The following NUMA1 variants were observed in gnomAD, a reference collection of about 807,000 sequenced individuals.
The protein encoded by NUMA1 is SP-H antigen.
A neutral mutation model predicts 237.1 loss-of-function variants in NUMA1; 62 were observed. That is an observed-to-expected ratio of 0.26 (90% CI 0.21 to 0.32). The LOEUF is 0.32. Among genes scored for constraint, NUMA1 ranks in the 10% least tolerant of loss-of-function variants. The pLI is 1.00. For missense variants in NUMA1, 2,533 were observed against 2,666.5 expected (o/e 0.95, Z 1.10); for synonymous variants, 1,028 against 1,066.1 (o/e 0.96, Z 0.70).
chr11:72,046,969 G>GA (rs1207750722), intron 2 of NUMA1, among the ~76,000 whole-genome samples: 17 of 149,874 alleles, frequency 1.1e-4, no homozygotes, highest in Non-Finnish European at 7.4e-5. Context: ...CAAAAAAAGA[G>GA]AAAAAAAAAG....
intron 2 of NUMA1, among the ~76,000 whole-genome samples, chr11:72,061,440 TA>T (rs1433614175): frequency 6.6e-6 from 1 of 151,082 alleles, no homozygotes; most frequent in Non-Finnish European, 1.5e-5. Flanking sequence ...GTTGCAACAC[TA>T]AAAGATTTTC....
chr11:72,059,888 C>T (rs1330562843), intron 2 of NUMA1, among the ~76,000 whole-genome samples: 1 of 152,104 alleles, frequency 6.6e-6, no homozygotes. Flanking sequence ...CCATCTACAC[C>T]CTTCTACCAA....
intron 2 of NUMA1, among the ~76,000 whole-genome samples, chr11:72,056,323 C>T (rs1344825140): frequency 3.6e-5 from 1 of 27,562 alleles, no homozygotes; most frequent in African/African-American, 8.9e-5. Flanking sequence ...GATCCCATCT[C>T]TCTTTTTTTT....
At chr11:72,068,435 C>G (rs1273035178) in intron 2 of NUMA1, 3 of 152,234 alleles carry the variant, frequency 2.0e-5, no homozygotes, top group Admixed American at 6.5e-5. Context: ...GCCTGACCAA[C>G]ATGGTGAAAC....
rs552381327 is a variant in NUMA1 at position 72,004,904 on chromosome 11, C to T, written c.5830-88G>A. On this transcript the variant is annotated intron_variant, in intron 23 of 26. Transcript: ENST00000393695. ...GCTGTCCCAGAACTCTACACTCGCCCGACACTTATGGTCGGGACCCTTCCT... is the reference window on the plus strand; with the variant it reads ...GCTGTCCCAGAACTCTACACTCGCCTGACACTTATGGTCGGGACCCTTCCT... The T allele has an allele frequency of 2.0e-3, 2,650 of 1,300,998 alleles. 4 individuals carry two copies. The highest frequency in any genetic ancestry group is 3.2e-3 in the Middle Eastern group (13 of 4,118). 80.6% of individuals were successfully genotyped at this position (1,300,998 alleles called of 1,614,324 possible). A position where few individuals can be genotyped will look rare whatever the true frequency, so the allele number is the denominator to read the frequency against.
At position 72,017,200 on chromosome 11, in the gene NUMA1, G is replaced by A. The variant is rs570850912; in HGVS notation, c.1119+487C>T. On this transcript the variant is annotated intron_variant, in intron 13 of 26. Coordinates refer to ENST00000393695, the MANE Select transcript of NUMA1 (RefSeq NM_006185.4). ...TCTTACAGAGCAAGAACCTGAAGCA[G>A]ATGCTAAGTGCCTTGATCAAGGGCT... 2.2e-5 allele frequency: 4 copies of A among 184,246 alleles called. No individual in the cohort carries two copies. In the South Asian group the frequency reaches 3.0e-4, roughly 14 times the overall value. The allele number at this position is 184,246 out of a possible 1,614,324, so 11.4% of individuals were successfully genotyped here.
chr11:72,003,690 G>C, intron 26 of NUMA1, 152 bp from the exon 27 acceptor site: 1 of 1,051,424 alleles, frequency 9.5e-7, no homozygotes, highest in Admixed American at 2.0e-5. Flanking sequence ...TGCCTGAGCA[G>C]CTCTGGGTGC....
intron 2 of NUMA1, chr11:72,067,905 G>T: frequency 6.6e-6 from 1 of 152,124 alleles, no homozygotes; most frequent in East Asian, 1.9e-4. Flanking sequence ...AGGTTACAGG[G>T]CACTACAATA....
intron 2 of NUMA1, among the ~76,000 whole-genome samples, chr11:72,045,348 A>T (rs926865424): frequency 6.6e-6 from 1 of 152,192 alleles, no homozygotes; most frequent in Non-Finnish European, 1.5e-5. Context: ...TATCATTTGT[A>T]GTCTGTAGTT....
intron 2 of NUMA1, among the ~76,000 whole-genome samples, chr11:72,047,084 T>G (rs1413932183): frequency 6.6e-6 from 1 of 152,094 alleles, no homozygotes. Flanking sequence ...AAGGGTCAGG[T>G]GATCCTCCTG....
chr11:72,022,948 C>A, intron 6 of NUMA1, 117 bp downstream of exon 6: 1 of 716,570 alleles, frequency 1.4e-6, no homozygotes, highest in African/African-American at 1.8e-5. Context: ...CGTACTAGAG[C>A]CCCAGAAATA....
At position 72,015,669 on chromosome 11, in the gene NUMA1, C is replaced by T. The variant is rs1286698588; in HGVS notation, c.1834G>A (p.Glu612Lys). The part of the protein sequence containing the change: ...ALKQLEALEK[E>K]KAAKLEILQQ... Reference sequence around the variant, plus strand: ...AGAATCTCCAGCTTGGCAGCCTTCTCCTTCTCCAGTGCCTCCAGCTGCTTG... The same window carrying T: ...AGAATCTCCAGCTTGGCAGCCTTCTTCTTCTCCAGTGCCTCCAGCTGCTTG... The change falls in exon 15 of 27, where the codon GAG (glutamate) becomes AAG (lysine). Residue 612 changes from glutamate to lysine, a missense_variant. Transcript: ENST00000393695. The surrounding 1 kb of genome is among the most constrained non-coding windows in gnomAD (Gnocchi z 4.0). 6.2e-7 allele frequency: 1 copy of T among 1,614,010 alleles called. No individual in the cohort carries two copies. The highest frequency in any genetic ancestry group is 1.7e-5 in the Admixed American group (1 of 60,034).
At chr11:72,071,496 T>C (rs962935931) in intron 1 of NUMA1, among the ~76,000 whole-genome samples, 2 of 152,214 alleles carry the variant, frequency 1.3e-5, no homozygotes, top group Admixed American at 1.3e-4. Flanking sequence ...GACATGATAG[T>C]CATGACAACT....
intron 2 of NUMA1, among the ~76,000 whole-genome samples, chr11:72,056,513 G>C (rs1942652878): frequency 6.6e-6 from 1 of 151,298 alleles, no homozygotes; most frequent in African/African-American, 2.4e-5. Flanking sequence ...GTAGGGACAG[G>C]GTTTTACTAT....
rs1565195972 is a variant in NUMA1, at chr11:72,009,198, A to G, written c.4840-13T>C. 7.4e-5 allele frequency: 4 copies of G among 53,702 alleles called. No individual in the cohort carries two copies. The highest frequency in any genetic ancestry group is 4.5e-4 in the East Asian group (1 of 2,212). The allele number at this position is 53,702 out of a possible 1,614,324, so 3.3% of individuals were successfully genotyped here. A position where few individuals can be genotyped will look rare whatever the true frequency, so the allele number is the denominator to read the frequency against. ...TGGCTTTCTCCATCTGTGGGCAGAG[A>G]GGGTGGGTGGGTGGGGTAGAGGTTG... On this transcript the variant is annotated splice_polypyrimidine_tract_variant and intron_variant, in intron 18 of 26. Transcript: ENST00000393695.
intron 9 of NUMA1, 46 bp downstream of exon 9, chr11:72,019,448 G>T (rs2135225311): frequency 1.9e-6 from 3 of 1,603,400 alleles, no homozygotes; most frequent in Non-Finnish European, 2.6e-6. Flanking sequence ...GTGAGGAATG[G>T]ATGGATGCTG....
At position 72,013,269 on chromosome 11, in the gene NUMA1, G is replaced by A. The variant is rs756506347; in HGVS notation, c.4234C>T (p.Leu1412=). 6 of 1,604,782 alleles carry A rather than the reference G, an allele frequency of 3.7e-6. No individual in the cohort carries two copies. The highest frequency in any genetic ancestry group is 4.5e-5 in the East Asian group (2 of 44,874). ...AQRELGELIP[L]RQKVAEQERT... is the part of the protein sequence containing the mutation. Reference sequence around the variant, plus strand: ...TCCTGCTCTGCCACCTTCTGCCGCAGAGGAATCAGCTCCCCAAGCTCCCGC... The same window carrying A: ...TCCTGCTCTGCCACCTTCTGCCGCAAAGGAATCAGCTCCCCAAGCTCCCGC... Residue 1412 remains leucine (L), a synonymous_variant, in exon 15 of 27, where the codon CTG becomes TTG. Coordinates refer to ENST00000393695, the MANE Select transcript of NUMA1 (RefSeq NM_006185.4). This position sits in a 1 kb window ranked among gnomAD's most constrained non-coding sequence, Gnocchi z 6.8.
chr11:72,006,028 C>A lies in NUMA1; in HGVS notation c.5692+7G>T. The A allele has an allele frequency of 6.2e-7, 1 of 1,605,298 alleles. No homozygotes were observed. The highest frequency in any genetic ancestry group is 2.2e-5 in the East Asian group (1 of 44,684). ...TGGGGTATAGTAAGTCCCTGTAGTC[C>A]CCTCACCTGGAGGGGCCCCACTGGA... is the stretch of plus-strand genomic sequence containing the variant. On this transcript the variant is annotated splice_region_variant and intron_variant, in intron 22 of 26. Coordinates refer to ENST00000393695, the MANE Select transcript of NUMA1 (RefSeq NM_006185.4).
rs1274913426 is a variant in NUMA1 at position 72,004,703 on chromosome 11, G to A, written c.5943C>T (p.Ile1981=). 1 of 1,613,822 alleles carries A rather than the reference G, an allele frequency of 6.2e-7. No individual in the cohort carries two copies. The highest frequency in any genetic ancestry group is 8.5e-7 in the Non-Finnish European group (1 of 1,179,936). ...CCCGTTTGCGCTGCTGCCGGGTGGT[G>A]ATGCCAGTGCCCTCGGCTATCTGGA... ...QPIQIAEGTG[I]TTRQQRKRVS... is the part of the protein sequence containing the mutation. The change falls in exon 24 of 27, where the codon ATC becomes ATT. Residue 1981 remains isoleucine, a synonymous_variant. Transcript: ENST00000393695.
Sources: gnomAD v4.1 joint callset for allele counts (sites outside exome capture counted in the v4.1 genomes callset) on GRCh38, gnomAD v4.1.1 for gene constraint, Gnocchi (gnomAD v3.1) non-coding constraint, MANE v1.5 for transcripts, NCBI Gene and HGNC (gene_info 2026-07-23, HGNC 2026-07-21) for gene names.